LRRC57: variants seen among roughly 807,000 people sequenced by gnomAD.
LRRC57 encodes the protein leucine-rich repeat-containing protein 57.
LRRC57 carries 14 observed loss-of-function variants against 23.1 expected under a neutral mutation model. That is an observed-to-expected ratio of 0.61 (90% CI 0.40 to 0.95). The LOEUF is 0.95. LRRC57 is among the 40% of genes least tolerant of loss of function. The pLI is 0.00. For missense variants in LRRC57, 236 were observed against 284.4 expected, an observed-to-expected ratio of 0.83 and a Z score of 1.22; for synonymous variants, 106 against 115.2, an observed-to-expected ratio of 0.92 and a Z score of 0.51.
At position 42,542,595 on chromosome 15, in the gene LRRC57, A is replaced by T. The variant is rs1165044247; in HGVS notation, c.*1488T>A. The T allele has an allele frequency of 2.0e-5, 3 of 152,612 alleles. No homozygotes were observed. The highest frequency in any genetic ancestry group is 4.4e-5 in the Non-Finnish European group (3 of 68,030). 9.5% of individuals were successfully genotyped at this position (152,612 alleles called of 1,614,324 possible). ...GCTTGATAAACATAGGTTGTTTTAA[A>T]ATATTATAGTAATGGTTTATTGATA... On this transcript the variant is annotated 3_prime_UTR_variant, in exon 6 of 6. Coordinates refer to ENST00000397130, the MANE Select transcript of LRRC57 (RefSeq NM_153260.3).
At chr15:42,530,768 G>C in the LRRC57 span, among the ~76,000 whole-genome samples, 1 of 152,160 alleles carries the variant, frequency 6.6e-6, no homozygotes, top group Non-Finnish European at 1.5e-5. Context: ...AGGAAAAAAA[G>C]AAAGTCATAC....
At chr15:42,532,898 A>G (rs976929388), downstream of LRRC57, 4 of 152,674 alleles carry the variant, frequency 2.6e-5, no homozygotes, top group Middle Eastern at 3.2e-3. Context: ...AACTATGTCC[A>G]TAATCAAGTT....
chr15:42,534,072 G>A (rs8036163), downstream of LRRC57, among the ~76,000 whole-genome samples: 150,002 of 152,292 alleles, frequency 0.98, 73,913 homozygotes, highest in East Asian at 1. Context: ...TAAACATACA[G>A]TTAGCTGGGT....
the LRRC57 span, among the ~76,000 whole-genome samples, chr15:42,530,238 T>C: frequency 6.6e-6 from 1 of 152,150 alleles, no homozygotes; most frequent in Non-Finnish European, 1.5e-5. Context: ...TCCTCCCACA[T>C]CAGCCTATTT....
downstream of LRRC57, among the ~76,000 whole-genome samples, chr15:42,534,773 GCTCA>G (rs962611675): frequency 2.4e-4 from 36 of 152,308 alleles, no homozygotes; most frequent in African/African-American, 7.7e-4. Context: ...ATACTCTGAT[GCTCA>G]CTATCAATAA....
the LRRC57 span, among the ~76,000 whole-genome samples, chr15:42,530,595 T>G: frequency 4.6e-5 from 7 of 151,880 alleles, no homozygotes; most frequent in Admixed American, 1.3e-4. Flanking sequence ...TAAAAAAATT[T>G]AAAAATTGAC....
chr15:42,547,359 G>A lies in LRRC57; in HGVS notation c.394C>T (p.His132Tyr). The change falls in exon 4 of 6, where the codon CAC (histidine) becomes TAC (tyrosine). Residue 132 changes from histidine (H) to tyrosine (Y), a missense_variant. By Grantham distance (83) the His-to-Tyr change is moderately conservative. Coordinates refer to ENST00000397130, the MANE Select transcript of LRRC57 (RefSeq NM_153260.3). ...TTAGAGAGATCCATCACATCCAGGTGCCGTAGGCTACAAAGTTGGGGAGGT... is the reference window on the plus strand; with the variant it reads ...TTAGAGAGATCCATCACATCCAGGTACCGTAGGCTACAAAGTTGGGGAGGT... Reference protein sequence around the residue: ...ALPPQLCSLRHLDVMDLSKNQ... With the variant: ...ALPPQLCSLRYLDVMDLSKNQ... 6.2e-7 allele frequency: 1 copy of A among 1,614,234 alleles called. No individual in the cohort carries two copies. Among genetic ancestry groups the A allele is most frequent in the Non-Finnish European group, 8.5e-7 (1 of 1,180,038 alleles).
chr15:42,539,894 TATTA>T lies in LRRC57; in HGVS notation c.*4185_*4188del, dbSNP rs2057619563. 1 of 152,092 alleles carries T rather than the reference TATTA, an allele frequency of 6.6e-6. No individual in the cohort carries two copies. Among genetic ancestry groups the T allele is most frequent in the African/African-American group, 2.4e-5 (1 of 41,410 alleles). The allele number at this position is 152,092 out of a possible 1,614,324, so 9.4% of individuals were successfully genotyped here. A position where few individuals can be genotyped will look rare whatever the true frequency, so the allele number is the denominator to read the frequency against. ...GAGGCTTAGACATACAGAATGAGCATATTAATTAAGAGAGGGCAGGCTGGGCACG... is the reference window on the plus strand; with the variant it reads ...GAGGCTTAGACATACAGAATGAGCATATTAAGAGAGGGCAGGCTGGGCACG... On this transcript the variant is annotated 3_prime_UTR_variant, in exon 6 of 6. Coordinates refer to ENST00000397130, the MANE Select transcript of LRRC57 (RefSeq NM_153260.3).
chr15:42,537,286 G>A (rs1466359087), downstream of LRRC57, among the ~76,000 whole-genome samples: 1 of 138,842 alleles, frequency 7.2e-6, no homozygotes, highest in Non-Finnish European at 1.5e-5. Flanking sequence ...TGGCCAAGAG[G>A]TATGTGAAAA....
Position 42,548,395 on chromosome 15 carries a change from G to A in LRRC57, c.40C>T (p.Gln14Ter). 6.2e-7 allele frequency: 1 copy of A among 1,614,176 alleles called. No homozygotes were observed. The highest frequency in any genetic ancestry group is 8.5e-7 in the Non-Finnish European group (1 of 1,180,040). Residue 14 changes from glutamine (Q) to a stop codon, truncating the protein, a stop_gained, in exon 2 of 6, where the codon CAG becomes TAG. Coordinates refer to ENST00000397130, the MANE Select transcript of LRRC57 (RefSeq NM_153260.3). LOFTEE classifies it high-confidence loss of function. The part of the protein sequence containing the change: ...SALRAHVETA[Q>*]KTGVFQLKDR... ...TTAAGCTGAAAGACACCAGTTTTCT[G>A]CGCCGTTTCCACATGAGCGCGGAGC...
chr15:42,537,248 C>CACACACACACATACACACACACACACAT (rs1555381681), downstream of LRRC57, among the ~76,000 whole-genome samples: 10 of 149,658 alleles, frequency 6.7e-5, no homozygotes, highest in African/African-American at 2.5e-4. Flanking sequence ...CACACACACA[C>CACACACACACATACACACACACACACAT]ACACACACAC....
downstream of LRRC57, among the ~76,000 whole-genome samples, chr15:42,537,321 T>C (rs924502663): frequency 6.6e-6 from 1 of 151,602 alleles, no homozygotes; most frequent in Non-Finnish European, 1.5e-5. Flanking sequence ...CTAATCATCA[T>C]GGAAATGCAA....
downstream of LRRC57, among the ~76,000 whole-genome samples, chr15:42,536,082 G>A (rs2057599458): frequency 6.6e-6 from 1 of 152,106 alleles, no homozygotes; most frequent in Non-Finnish European, 1.5e-5. Flanking sequence ...TGTCAAAAAA[G>A]TTTGCCATCT....
At chr15:42,529,754 AT>A in the LRRC57 span, 1 of 1,614,158 alleles carries the variant, frequency 6.2e-7, no homozygotes, top group South Asian at 1.1e-5. Context: ...TCTAAAAGAC[AT>A]GGCCCTGAAC....
Position 42,548,417 on chromosome 15 carries a change from G to C in LRRC57, c.18C>G (p.Leu6=), listed in dbSNP as rs1165939388. Residue 6 remains leucine (L), a synonymous_variant, in exon 2 of 6, where the codon CTC becomes CTG. Coordinates refer to ENST00000397130, the MANE Select transcript of LRRC57 (RefSeq NM_153260.3). MGNSA[L]RAHVETAQKT... The stretch of plus-strand genomic sequence containing the variant: ...TCTGCGCCGTTTCCACATGAGCGCG[G>C]AGCGCACTGTTTCCCATCCTAGCGC... 1.2e-6 allele frequency: 2 copies of C among 1,614,018 alleles called. No individual in the cohort carries two copies. The highest frequency in any genetic ancestry group is 3.3e-5 in the Admixed American group (2 of 60,028).
At chr15:42,537,231 T>TCACA (rs777117722), downstream of LRRC57, among the ~76,000 whole-genome samples, 1,522 of 132,096 alleles carry the variant, frequency 0.012, 25 homozygotes, top group African/African-American at 0.038. Flanking sequence ...TCTCTCTCTC[T>TCACA]CTCACACACA....
chr15:42,545,173 G>A lies in LRRC57; in HGVS notation c.582C>T (p.Pro194=), dbSNP rs552250552. The change falls in exon 5 of 6, where the codon CCC becomes CCT. Residue 194 remains proline (P), a synonymous_variant. Transcript: ENST00000397130. ...TCTGGGAATCACTGAGGATGCTCTG[G>A]GGAAGCATGCTGAGCTCAAGACAAT... The part of the protein sequence containing the change: ...EENCLELSML[P]QSILSDSQIC... The A allele has an allele frequency of 6.8e-6, 11 of 1,612,012 alleles. No individual in the cohort carries two copies. Among genetic ancestry groups the A allele is most frequent in the African/African-American group, 5.4e-5 (4 of 74,698 alleles).
In LRRC57 at chr15:42,543,916, A is replaced by G. The variant is rs572951232; in HGVS notation, c.*167T>C. On this transcript the variant is annotated 3_prime_UTR_variant, in exon 6 of 6. Transcript: ENST00000397130. ...GATCCTTTTTCTTTTAGCTTATTTG[A>G]GAAGAGCCCTGAAATGAGAAAAGAT... The G allele has an allele frequency of 5.7e-6, 3 of 522,588 alleles. No individual in the cohort carries two copies. The highest frequency in any genetic ancestry group is 1.0e-5 in the Non-Finnish European group (3 of 293,186). The allele number at this position is 522,588 out of a possible 1,614,324, so 32.4% of individuals were successfully genotyped here. A position where few individuals can be genotyped will look rare whatever the true frequency, so the allele number is the denominator to read the frequency against.
At position 42,538,310 on chromosome 15, in the gene LRRC57, A is replaced by G. The variant is rs1488489926; in HGVS notation, c.*5773T>C. 2 of 152,248 alleles carry G rather than the reference A, an allele frequency of 1.3e-5. No individual in the cohort carries two copies. The highest frequency in any genetic ancestry group is 3.8e-4 in the East Asian group (2 of 5,204). 9.4% of individuals were successfully genotyped at this position (152,248 alleles called of 1,614,324 possible). ...ATCAGATTTTATTTCTCAGATTGAT[A>G]TTCAAGTTTCTCATCTAGTCATTTA... On this transcript the variant is annotated 3_prime_UTR_variant, in exon 6 of 6. Transcript: ENST00000397130.
Sources: gnomAD v4.1 joint callset for allele counts (sites outside exome capture counted in the v4.1 genomes callset) on GRCh38, gnomAD v4.1.1 for gene constraint, MANE v1.5 for transcripts, NCBI Gene and HGNC (gene_info 2026-07-23, HGNC 2026-07-21) for gene names.